The following WDR27 variants were observed in gnomAD, a reference collection of about 807,000 sequenced individuals.
WDR27 encodes the protein WD repeat domain 27.
Under a neutral mutation model 114.4 loss-of-function variants are expected in WDR27, and 100 were observed. That is an observed-to-expected ratio of 0.87 (90% CI 0.74 to 1.03). The LOEUF is 1.03. WDR27 is among the 50% of genes least tolerant of loss of function. The pLI is 0.00. For synonymous variants in WDR27, 449 were observed against 423.1 expected (o/e 1.06, Z -0.75); for missense variants, 1,129 against 1,092.9 (o/e 1.03, Z -0.47).
intron 23 of WDR27, among the ~76,000 whole-genome samples, chr6:169,597,450 C>T (rs920618495): frequency 6.6e-6 from 1 of 152,056 alleles, no homozygotes; most frequent in African/African-American, 2.4e-5. Flanking sequence ...TATTGTACTC[C>T]AGAAAGGTGG....
chr6:169,583,483 ATATACATATATATATATATATG>A (rs146854066), intron 23 of WDR27, among the ~76,000 whole-genome samples: 30 of 68,550 alleles, frequency 4.4e-4, no homozygotes, highest in South Asian at 1.2e-3. Context: ...GTGTGTGTAT[ATATACATATATATATATATATG>A]TATATATACA....
intron 25 of WDR27, among the ~76,000 whole-genome samples, chr6:169,570,398 G>A (rs9396971): frequency 0.098 from 14,876 of 152,266 alleles, 1,793 homozygotes; most frequent in East Asian, 0.58. Flanking sequence ...TGAAGTGTGA[G>A]GGGCTATCTT....
chr6:169,543,973 T>C (rs936578300), intron 25 of WDR27, among the ~76,000 whole-genome samples: 1 of 152,176 alleles, frequency 6.6e-6, no homozygotes, highest in African/African-American at 2.4e-5. Context: ...TATCAAAACA[T>C]CACAGTTGAC....
chr6:169,574,938 T>C (rs1414470548), intron 24 of WDR27, among the ~76,000 whole-genome samples: 4 of 152,230 alleles, frequency 2.6e-5, no homozygotes, highest in Admixed American at 2.6e-4. Flanking sequence ...GAATCCTGCC[T>C]GAACAGGACA....
downstream of WDR27, among the ~76,000 whole-genome samples, chr6:169,456,784 G>A (rs544780829): frequency 3.7e-4 from 54 of 146,692 alleles, no homozygotes; most frequent in African/African-American, 1.3e-3. This position sits in a 1 kb window ranked among gnomAD's most constrained non-coding sequence, Gnocchi z 4.0. Flanking sequence ...AGAGACCACG[G>A]TCACCACACA....
chr6:169,558,503 GGAGA>G, intron 25 of WDR27: 1 of 152,130 alleles, frequency 6.6e-6, no homozygotes, highest in South Asian at 2.1e-4. Context: ...TCAAATGAAT[GGAGA>G]CCCGGAGCAC....
chr6:169,567,765 G>A (rs1259176380), intron 25 of WDR27, among the ~76,000 whole-genome samples: 2 of 152,106 alleles, frequency 1.3e-5, no homozygotes, highest in East Asian at 1.9e-4. Context: ...CCAGGGCTGC[G>A]AGTCCTGCTT....
chr6:169,661,554 C>T (rs1279226048), intron 9 of WDR27, among the ~76,000 whole-genome samples: 4 of 152,356 alleles, frequency 2.6e-5, no homozygotes, highest in East Asian at 1.9e-4. Context: ...GTTCACCCAA[C>T]GACCATCGTC....
At position 169,626,411 on chromosome 6, in the gene WDR27, C is replaced by A. The variant is rs1423212249; in HGVS notation, c.2223+6536G>T. ...TAGGTGCAGAACACAGCAGGCTGTG[C>A]CAGGCTCCTGCTGCCTTCTCTGGGC... On this transcript the variant is annotated intron_variant, in intron 21 of 25. Coordinates refer to ENST00000448612, the MANE Select transcript of WDR27 (RefSeq NM_182552.5). Among the ~76,000 whole-genome samples the A allele has an allele frequency of 2.0e-5, 3 of 152,154 alleles. No homozygotes were observed. The East Asian group carries it at 5.8e-4, about 29-fold the overall frequency.
intron 9 of WDR27, among the ~76,000 whole-genome samples, chr6:169,661,362 G>T (rs1038442604): frequency 6.6e-6 from 1 of 152,170 alleles, no homozygotes; most frequent in Non-Finnish European, 1.5e-5. Flanking sequence ...GGCCCGAGGC[G>T]GCAGAGTTAA....
At chr6:169,563,388 A>G (rs3006211) in intron 25 of WDR27, among the ~76,000 whole-genome samples, 87,310 of 152,052 alleles carry the variant, frequency 0.57, 28,538 homozygotes, top group Non-Finnish European at 0.72. Context: ...CTACCAAGCC[A>G]GACCCTGAAC....
In WDR27 at chr6:169,605,108, C is replaced by A. The variant is rs1202498553; in HGVS notation, c.2322-2787G>T. On this transcript the variant is annotated intron_variant, in intron 22 of 25. Coordinates refer to ENST00000448612, the MANE Select transcript of WDR27 (RefSeq NM_182552.5). ...AGAAGTCCTAGCCAGAGCAATTAGGCAAAAAAAAAAAAAAAAGTTTTTTTT... is the reference window on the plus strand; with the variant it reads ...AGAAGTCCTAGCCAGAGCAATTAGGAAAAAAAAAAAAAAAAAGTTTTTTTT... Among the ~76,000 whole-genome samples, 583 of 76,122 alleles carry A rather than the reference C, an allele frequency of 7.7e-3. 7 individuals carry two copies. The East Asian group carries it at 0.11, about 15-fold the overall frequency. The allele number at this position is 76,122 out of a possible 152,430, so 49.9% of individuals were successfully genotyped here.
intron 25 of WDR27, among the ~76,000 whole-genome samples, chr6:169,564,857 C>CGTGAGTGA (rs3029660): frequency 1.3e-5 from 2 of 151,728 alleles, no homozygotes; most frequent in Admixed American, 6.6e-5. Flanking sequence ...TAACCAAACG[C>CGTGAGTGA]GTGAGTGAGT....
At chr6:169,443,106 G>T in the WDR27 span, among the ~76,000 whole-genome samples, 6 of 152,146 alleles carry the variant, frequency 3.9e-5, no homozygotes, top group Admixed American at 3.3e-4. Flanking sequence ...GGCTGAGGTT[G>T]GGAACACAGG....
chr6:169,603,117 C>T (rs1170453349), intron 22 of WDR27, among the ~76,000 whole-genome samples: 2 of 149,998 alleles, frequency 1.3e-5, no homozygotes, highest in Non-Finnish European at 2.9e-5. Flanking sequence ...GCTGGGATTA[C>T]AGGTTTGAGC....
At chr6:169,653,618 G>A (rs1481980102) in intron 13 of WDR27, among the ~76,000 whole-genome samples, 1 of 152,182 alleles carries the variant, frequency 6.6e-6, no homozygotes, top group African/African-American at 2.4e-5. Context: ...AAAAGTGAAT[G>A]CTAACTTTCA....
At chr6:169,519,318 G>A (rs1446669687) in intron 25 of WDR27, among the ~76,000 whole-genome samples, 1 of 152,048 alleles carries the variant, frequency 6.6e-6, no homozygotes, top group Non-Finnish European at 1.5e-5. Flanking sequence ...GTTCATTCTT[G>A]TATTGCTAAA....
intron 13 of WDR27, among the ~76,000 whole-genome samples, chr6:169,654,856 C>T (rs929539924): frequency 5.3e-5 from 8 of 152,010 alleles, no homozygotes; most frequent in Non-Finnish European, 7.4e-5. Flanking sequence ...GAGGAGGAGC[C>T]CCGTTCAGAA....
intron 25 of WDR27, among the ~76,000 whole-genome samples, chr6:169,562,445 C>G (rs1299898785): frequency 6.6e-6 from 1 of 152,218 alleles, no homozygotes; most frequent in Non-Finnish European, 1.5e-5. Flanking sequence ...GTATTTTGAA[C>G]TAAATGAGTA....
Sources: allele counts gnomAD v4.1 joint callset (sites outside exome capture counted in the v4.1 genomes callset), GRCh38; gene constraint gnomAD v4.1.1; non-coding constraint Gnocchi (gnomAD v3.1); transcripts MANE v1.5; gene names NCBI Gene and HGNC (gene_info 2026-07-23, HGNC 2026-07-21).